The following MYO7A variants were observed in gnomAD, a reference collection of about 807,000 sequenced individuals.
MYO7A encodes myosin VIIA.
MYO7A carries 210 observed loss-of-function variants against 263.8 expected under a neutral mutation model. The observed-to-expected ratio is 0.80, with a 90% CI of 0.71 to 0.89. MYO7A has a LOEUF of 0.89. Ranked by LOEUF, MYO7A falls within the 40% of genes least tolerant of loss-of-function variation. MYO7A has a pLI of 0.00. For missense variants in MYO7A, 2,820 were observed against 2,968.3 expected, an observed-to-expected ratio of 0.95 and a Z score of 1.16; for synonymous variants, 1,239 against 1,197.3, an observed-to-expected ratio of 1.03 and a Z score of -0.72.
In MYO7A at chr11:77,190,853, A is replaced by T; in HGVS notation, c.3907A>T (p.Ile1303Phe). The change falls in exon 30 of 49, where the codon ATT (isoleucine) becomes TTT (phenylalanine). Residue 1303 changes from isoleucine (I) to phenylalanine (F), a missense_variant. By Grantham distance (21) the Ile-to-Phe change is conservative. Transcript: ENST00000409709. ...GGACCGGTTCGGGTTCTCCCTCTACATTGCCCTGTTTGACAAGGTATGGCC... is the reference window on the plus strand; with the variant it reads ...GGACCGGTTCGGGTTCTCCCTCTACTTTGCCCTGTTTGACAAGGTATGGCC... ...LKDRFGFSLY[I>F]ALFDKVSSLG... 6.3e-7 allele frequency: 1 copy of T among 1,575,308 alleles called. No homozygotes were observed. The highest frequency in any genetic ancestry group is 8.6e-7 in the Non-Finnish European group (1 of 1,158,778).
intron 1 of MYO7A, among the ~76,000 whole-genome samples, chr11:77,129,979 C>A (rs7116950): frequency 3.9e-5 from 6 of 152,028 alleles, no homozygotes; most frequent in African/African-American, 1.2e-4. Flanking sequence ...GGGCCCGGGC[C>A]CGGGCCCAGG....
chr11:77,147,779 A>C lies in MYO7A; in HGVS notation c.133-19A>C. On this transcript the variant is annotated intron_variant, in intron 3 of 48. Coordinates refer to ENST00000409709, the MANE Select transcript of MYO7A (RefSeq NM_000260.4). ...GCCTGGGCCCCAGGAGAGCACGCTGACGTTCTGGCTCCCCGCAGGAACACT... is the reference window on the plus strand; with the variant it reads ...GCCTGGGCCCCAGGAGAGCACGCTGCCGTTCTGGCTCCCCGCAGGAACACT... 1.2e-6 allele frequency: 2 copies of C among 1,607,034 alleles called. No homozygotes were observed. Among genetic ancestry groups the C allele is most frequent in the Non-Finnish European group, 1.7e-6 (2 of 1,177,816 alleles).
At chr11:77,207,639 G>C (rs1272622006) in intron 42 of MYO7A, among the ~76,000 whole-genome samples, 2 of 152,180 alleles carry the variant, frequency 1.3e-5, no homozygotes, top group South Asian at 4.1e-4. Flanking sequence ...CAGGTGCTCT[G>C]TGTTCTAAAA....
chr11:77,189,434 C>T lies in MYO7A; in HGVS notation c.3594C>T (p.Cys1198=), dbSNP rs782694195. The change falls in exon 28 of 49, where the codon TGC becomes TGT. Residue 1198 remains cysteine (C), a synonymous_variant. Coordinates refer to ENST00000409709, the MANE Select transcript of MYO7A (RefSeq NM_000260.4). ...YARGWILVSL[C]VGCFAPSEKF... is the part of the protein sequence containing the mutation. ...GGGGCTGGATTCTCGTGTCTCTCTG[C>T]GTGGGCTGTTTCGCCCCCTCCGAGA... 2.3e-5 allele frequency: 37 copies of T among 1,613,900 alleles called. No individual in the cohort carries two copies. Among genetic ancestry groups the T allele is most frequent in the Non-Finnish European group, 3.0e-5 (35 of 1,179,876 alleles).
intron 31 of MYO7A, among the ~76,000 whole-genome samples, chr11:77,193,581 G>GA (rs1239848720): frequency 6.6e-6 from 1 of 152,088 alleles, no homozygotes; most frequent in Admixed American, 6.5e-5. Context: ...TGATAGTGGT[G>GA]ATGATAATGG....
intron 2 of MYO7A, among the ~76,000 whole-genome samples, chr11:77,132,941 C>T (rs1409113934): frequency 3.3e-5 from 5 of 152,190 alleles, no homozygotes; most frequent in Non-Finnish European, 5.9e-5. Flanking sequence ...TCCCGGGGCT[C>T]GGGTTCTTTT....
At chr11:77,163,919 A>G (rs1953268388) in intron 14 of MYO7A, among the ~76,000 whole-genome samples, 4 of 152,118 alleles carry the variant, frequency 2.6e-5, no homozygotes, top group Admixed American at 1.3e-4. Context: ...CCTGCTTTCA[A>G]TTCTTTTGGA....
intron 40 of MYO7A, 126 bp downstream of exon 40, chr11:77,205,743 C>T (rs995560596): frequency 1.2e-5 from 16 of 1,291,074 alleles, no homozygotes; most frequent in Non-Finnish European, 1.7e-5. Flanking sequence ...GGTACCTCAA[C>T]TGCCAGCTAG....
chr11:77,204,761 C>T (rs1332240182), intron 39 of MYO7A, among the ~76,000 whole-genome samples: 1 of 152,176 alleles, frequency 6.6e-6, no homozygotes, highest in African/African-American at 2.4e-5. Flanking sequence ...TACACCCAGC[C>T]CCCCGCCTTC....
Position 77,147,836 on chromosome 11 carries a change from G to A in MYO7A, c.171G>A (p.Lys57=), listed in dbSNP as rs2135706983. 1 of 1,610,536 alleles carries A rather than the reference G, an allele frequency of 6.2e-7. No homozygotes were observed. Among genetic ancestry groups the A allele is most frequent in the East Asian group, 2.2e-5 (1 of 44,830 alleles). The change falls in exon 4 of 49, where the codon AAG becomes AAA. Residue 57 remains lysine, a synonymous_variant. Coordinates refer to ENST00000409709, the MANE Select transcript of MYO7A (RefSeq NM_000260.4). Reference sequence around the variant, plus strand: ...CTCCGCAGAACGCAACGCACATCAAGCCTATGCACCCCACGTCGGTCCACG... The same window carrying A: ...CTCCGCAGAACGCAACGCACATCAAACCTATGCACCCCACGTCGGTCCACG... ...WISPQNATHI[K]PMHPTSVHGV...
chr11:77,189,576 C>T, intron 28 of MYO7A, 106 bp downstream of exon 28: 2 of 1,487,424 alleles, frequency 1.3e-6, no homozygotes, highest in East Asian at 2.3e-5. Context: ...GTCACAAGGC[C>T]CACCCGGCCA....
At chr11:77,191,609 T>C (rs567762645) in intron 30 of MYO7A, among the ~76,000 whole-genome samples, 106 of 152,180 alleles carry the variant, frequency 7.0e-4, no homozygotes, top group Non-Finnish European at 1.2e-3. Context: ...CAGACTCACC[T>C]CGGAGGCTGG....
At chr11:77,153,725 C>A (rs1303249631) in intron 4 of MYO7A, among the ~76,000 whole-genome samples, 1 of 152,186 alleles carries the variant, frequency 6.6e-6, no homozygotes, top group Non-Finnish European at 1.5e-5. Flanking sequence ...CTTTCACCAG[C>A]AGACCTCCTA....
At chr11:77,208,394 C>T (rs1390116122) in intron 42 of MYO7A, 36 bp from the exon 43 acceptor site, 3 of 1,513,802 alleles carry the variant, frequency 2.0e-6, no homozygotes, top group East Asian at 4.5e-5. Flanking sequence ...TGCAGTGTTG[C>T]TTAAACTGAG....
chr11:77,158,219 C>A, intron 8 of MYO7A, 58 bp from the exon 9 acceptor site: 1 of 1,491,704 alleles, frequency 6.7e-7, no homozygotes. Context: ...CCAGGCACTG[C>A]CCCTCTGGGG....
At chr11:77,149,166 C>G (rs1462259151) in intron 4 of MYO7A, among the ~76,000 whole-genome samples, 3 of 152,218 alleles carry the variant, frequency 2.0e-5, no homozygotes, top group Non-Finnish European at 4.4e-5. Context: ...CTGACCCAGC[C>G]CCATCCTCCC....
intron 3 of MYO7A, among the ~76,000 whole-genome samples, chr11:77,146,805 G>A (rs914613642): frequency 2.0e-4 from 30 of 152,192 alleles, no homozygotes; most frequent in African/African-American, 6.0e-4. Context: ...CGTACTCTCA[G>A]GCAATGGCCA....
At chr11:77,190,921 A>G in intron 30 of MYO7A, 51 bp downstream of exon 30, 1 of 1,489,882 alleles carries the variant, frequency 6.7e-7, no homozygotes, top group South Asian at 1.3e-5. Flanking sequence ...TCCCGGCCCC[A>G]CTCCGGGCTG....
In MYO7A at chr11:77,162,139, A is replaced by C; in HGVS notation, c.1363A>C (p.Asn455His). Residue 455 changes from asparagine to histidine, a missense_variant, in exon 13 of 49, where the codon AAC becomes CAC. Transcript: ENST00000409709. ...CTGCAGCTTTGAGCAGCTCTGCATC[A>C]ACTTCGCCAATGAGCACCTGCAGCA... The part of the protein sequence containing the change: ...AVNSFEQLCI[N>H]FANEHLQQFF... 6.2e-7 allele frequency: 1 copy of C among 1,602,148 alleles called. No homozygotes were observed. The highest frequency in any genetic ancestry group is 8.5e-7 in the Non-Finnish European group (1 of 1,174,452).
Sources: gnomAD v4.1 joint callset for allele counts (sites outside exome capture counted in the v4.1 genomes callset) on GRCh38, gnomAD v4.1.1 for gene constraint, MANE v1.5 for transcripts, NCBI Gene and HGNC (gene_info 2026-07-23, HGNC 2026-07-21) for gene names.